ADCY2: variants seen among roughly 807,000 people sequenced by gnomAD.
ADCY2 encodes the protein adenylate cyclase 2.
Under a neutral mutation model 125.2 loss-of-function variants are expected in ADCY2, and 31 were observed. That is an observed-to-expected ratio of 0.25 (90% CI 0.19 to 0.33). The LOEUF (loss-of-function observed/expected upper bound fraction) is 0.33, where lower values mean the gene tolerates loss of function less well. ADCY2 is among the 10% of genes least tolerant of loss of function. The pLI, the probability that ADCY2 is intolerant of heterozygous loss-of-function variation, is 1.00. For missense variants in ADCY2, 904 were observed against 1,418.2 expected (o/e 0.64, Z 5.82); for synonymous variants, 512 against 548.4 (o/e 0.93, Z 0.93).
At chr5:7,729,428 T>C (rs1490602579) in intron 14 of ADCY2, among the ~76,000 whole-genome samples, 3 of 152,040 alleles carry the variant, frequency 2.0e-5, no homozygotes. Context: ...ATTTGATATC[T>C]TTCTTTATAT....
In ADCY2 at chr5:7,537,809, C is replaced by A. The variant is rs184868949; in HGVS notation, c.570+16910C>A. 5.0e-3 allele frequency among the ~76,000 whole-genome samples: 758 copies of A among 152,372 alleles called. 3 individuals are homozygous for A. The highest frequency in any genetic ancestry group is 7.8e-3 in the Non-Finnish European group (529 of 68,038). Reference sequence around the variant, plus strand: ...GCCTCCACAGCCTGGCCCCTCCCTTCCCTTGCATGGATTCTGAGCTCTGCA... The same window carrying A: ...GCCTCCACAGCCTGGCCCCTCCCTTACCTTGCATGGATTCTGAGCTCTGCA... On this transcript the variant is annotated intron_variant, in intron 3 of 24. Transcript: ENST00000338316.
At chr5:7,704,167 C>G (rs1741186170) in intron 7 of ADCY2, among the ~76,000 whole-genome samples, 1 of 151,962 alleles carries the variant, frequency 6.6e-6, no homozygotes, top group African/African-American at 2.4e-5. Context: ...GGGATGGGTA[C>G]CAGACAGGAA....
intron 22 of ADCY2, among the ~76,000 whole-genome samples, chr5:7,808,505 T>G (rs1054408952): frequency 6.6e-6 from 1 of 152,144 alleles, no homozygotes; most frequent in African/African-American, 2.4e-5. Context: ...ACAACAAGCC[T>G]AGGAGGTAAG....
rs923720503 is a variant in ADCY2 at position 7,706,861 on chromosome 5, T to C, written c.1227T>C (p.Asp409=). ...GGCAATATGATGTGTGGTCACATGA[T>C]GTGACCTTGGCCAACCACATGGAAG... ...QKWQYDVWSH[D]VTLANHMEAG... Residue 409 remains aspartate (D), a synonymous_variant, in exon 8 of 25, where the codon GAT becomes GAC. Coordinates refer to ENST00000338316, the MANE Select transcript of ADCY2 (RefSeq NM_020546.3). The C allele has an allele frequency of 6.2e-7, 1 of 1,614,090 alleles. No individual in the cohort carries two copies. Among genetic ancestry groups the C allele is most frequent in the African/African-American group, 1.3e-5 (1 of 74,938 alleles).
At chr5:7,593,809 A>G (rs929483089) in intron 3 of ADCY2, among the ~76,000 whole-genome samples, 12 of 152,190 alleles carry the variant, frequency 7.9e-5, no homozygotes, top group African/African-American at 2.9e-4. Flanking sequence ...AACGTGAAAA[A>G]AAAAATAACA....
chr5:7,698,389 T>A lies in ADCY2; in HGVS notation c.1109+15T>A. On this transcript the variant is annotated intron_variant, in intron 7 of 24. Transcript: ENST00000338316. ...GAAGCCATAAAGTAAGTGGACTGCT[T>A]AGTAAGCATTTTGTTATATGCTTTA... 6.2e-7 allele frequency: 1 copy of A among 1,613,856 alleles called. No homozygotes were observed. The highest frequency in any genetic ancestry group is 1.1e-5 in the South Asian group (1 of 91,064).
At chr5:7,609,167 G>A (rs1285618587) in intron 3 of ADCY2, among the ~76,000 whole-genome samples, 1 of 152,152 alleles carries the variant, frequency 6.6e-6, no homozygotes, top group African/African-American at 2.4e-5. Context: ...TCTCTTCTGA[G>A]TATAATTTGC....
chr5:7,528,806 G>A (rs1734553496), intron 3 of ADCY2, among the ~76,000 whole-genome samples: 1 of 152,132 alleles, frequency 6.6e-6, no homozygotes, highest in South Asian at 2.1e-4. Context: ...CAAAGATAAC[G>A]AGGCTCTGCT....
At chr5:7,813,186 C>T (rs558407141) in intron 22 of ADCY2, among the ~76,000 whole-genome samples, 47 of 152,316 alleles carry the variant, frequency 3.1e-4, no homozygotes, top group African/African-American at 1.1e-3. Context: ...CCTTAGATAA[C>T]AATCCCCATT....
chr5:7,697,586 C>T (rs554520908), intron 6 of ADCY2, among the ~76,000 whole-genome samples: 1 of 152,112 alleles, frequency 6.6e-6, no homozygotes, highest in East Asian at 1.9e-4. Flanking sequence ...ATAGGATCAA[C>T]AAGTATGAAT....
At chr5:7,426,012 C>A (rs1261520302) in intron 2 of ADCY2, among the ~76,000 whole-genome samples, 1 of 152,160 alleles carries the variant, frequency 6.6e-6, no homozygotes, top group African/African-American at 2.4e-5. Context: ...TTCCCAACCC[C>A]CAGGCGAGAA....
intron 3 of ADCY2, 78 bp from the exon 4 acceptor site, chr5:7,626,089 C>T (rs1189526033): frequency 6.8e-7 from 1 of 1,471,192 alleles, no homozygotes; most frequent in African/African-American, 1.4e-5. Context: ...AAGACTGTTG[C>T]TAATGTGCAC....
intron 4 of ADCY2, among the ~76,000 whole-genome samples, chr5:7,632,315 C>A (rs1320223777): frequency 6.6e-6 from 1 of 152,120 alleles, no homozygotes; most frequent in African/African-American, 2.4e-5. Flanking sequence ...TTTTTGAGAT[C>A]TCCACTTTTC....
At chr5:7,559,090 G>T (rs941298993) in intron 3 of ADCY2, among the ~76,000 whole-genome samples, 4 of 152,120 alleles carry the variant, frequency 2.6e-5, no homozygotes, top group African/African-American at 9.7e-5. Context: ...CTGTAGTATA[G>T]CTTGAAGTCA....
At chr5:7,548,495 A>G (rs1284345465) in intron 3 of ADCY2, among the ~76,000 whole-genome samples, 1 of 152,202 alleles carries the variant, frequency 6.6e-6, no homozygotes, top group Admixed American at 6.5e-5. Flanking sequence ...ATTTTTTTAG[A>G]ACAGCTGGCA....
chr5:7,770,473 C>A (rs1414413403), intron 17 of ADCY2, among the ~76,000 whole-genome samples: 2 of 152,180 alleles, frequency 1.3e-5, no homozygotes, highest in African/African-American at 4.8e-5. Context: ...AGAGCTGTTC[C>A]AAAAACCAAA....
At chr5:7,754,841 G>A (rs1742937357) in intron 15 of ADCY2, among the ~76,000 whole-genome samples, 2 of 151,232 alleles carry the variant, frequency 1.3e-5, no homozygotes, top group African/African-American at 2.4e-5. Flanking sequence ...TGAGTGGTGA[G>A]AGAGCAAGAC....
chr5:7,757,730 A>T, intron 16 of ADCY2, 144 bp downstream of exon 16: 1 of 1,217,182 alleles, frequency 8.2e-7, no homozygotes. Context: ...CCCCGGGGTG[A>T]GTCAGGGCTC....
intron 3 of ADCY2, among the ~76,000 whole-genome samples, chr5:7,561,724 G>A (rs1034267074): frequency 1.3e-5 from 2 of 152,146 alleles, no homozygotes; most frequent in Admixed American, 6.5e-5. Flanking sequence ...TATATGTTTG[G>A]CATCTAAGAA....
Sources: gnomAD v4.1 joint callset for allele counts (sites outside exome capture counted in the v4.1 genomes callset) on GRCh38, gnomAD v4.1.1 for gene constraint, MANE v1.5 for transcripts, NCBI Gene and HGNC (gene_info 2026-07-23, HGNC 2026-07-21) for gene names.